The following SLC37A3 variants were observed in gnomAD, a reference collection of about 807,000 sequenced individuals.
The protein encoded by SLC37A3 is sugar phosphate exchanger 3.
SLC37A3 carries 51 observed loss-of-function variants against 67.1 expected under a neutral mutation model. The ratio of observed to expected loss-of-function variants is 0.76; its 90% CI spans 0.61 to 0.96. The LOEUF is 0.96. SLC37A3 is among the 40% of genes least tolerant of loss of function. The probability of loss-of-function intolerance (pLI) is 0.00; values close to 1 mark genes in which losing one functional copy is unlikely to be tolerated. For synonymous variants in SLC37A3, 214 were observed against 231.4 expected (o/e 0.92, Z 0.68); for missense variants, 508 against 603.0 (o/e 0.84, Z 1.65).
chr7:140,340,450 A>T (rs529687402), intron 13 of SLC37A3, among the ~76,000 whole-genome samples: 2 of 152,254 alleles, frequency 1.3e-5, no homozygotes, highest in Non-Finnish European at 2.9e-5. Context: ...CCGCAGACAC[A>T]AAAGGGTAGC....
chr7:140,366,053 G>A lies in SLC37A3; in HGVS notation c.292-1562C>T, dbSNP rs6976805. On this transcript the variant is annotated intron_variant, in intron 4 of 14. Coordinates refer to ENST00000326232, the MANE Select transcript of SLC37A3 (RefSeq NM_207113.3). ...CCTAGGTTCGAGCAATTCTCCTGCC[G>A]TAGCCTCCCGAGTAGCTGGGACTAC... Among the ~76,000 whole-genome samples the A allele has an allele frequency of 2.7e-5, 4 of 148,722 alleles. No homozygotes were observed. In the East Asian group the frequency reaches 8.1e-4, roughly 30 times the overall value.
intron 9 of SLC37A3, among the ~76,000 whole-genome samples, chr7:140,350,363 G>A (rs1452829866): frequency 6.6e-6 from 1 of 152,186 alleles, no homozygotes; most frequent in East Asian, 1.9e-4. Flanking sequence ...AACTGCAGCA[G>A]AAGGGATTTA....
At chr7:140,346,948 A>C (rs1796586513) in intron 10 of SLC37A3, among the ~76,000 whole-genome samples, 1 of 151,700 alleles carries the variant, frequency 6.6e-6, no homozygotes, top group Non-Finnish European at 1.5e-5. Flanking sequence ...AAAACCAAAA[A>C]AACTGTGCCT....
chr7:140,345,792 CACTG>C, intron 11 of SLC37A3, 73 bp downstream of exon 11: 1 of 1,158,212 alleles, frequency 8.6e-7, no homozygotes, highest in Non-Finnish European at 1.3e-6. Flanking sequence ...CAGCACTGGT[CACTG>C]ACTCCAAACA....
chr7:140,354,555 G>A (rs964483311), intron 7 of SLC37A3, among the ~76,000 whole-genome samples: 1 of 151,760 alleles, frequency 6.6e-6, no homozygotes, highest in African/African-American at 2.4e-5. Context: ...GCATATACAG[G>A]GAGTTAAATA....
At chr7:140,383,943 G>T (rs890686229) in intron 1 of SLC37A3, among the ~76,000 whole-genome samples, 9 of 152,132 alleles carry the variant, frequency 5.9e-5, no homozygotes, top group Non-Finnish European at 1.3e-4. Flanking sequence ...CTCCAAAAGT[G>T]CTGGGATTAC....
At chr7:140,397,856 CTG>C (rs952448470) in intron 1 of SLC37A3, among the ~76,000 whole-genome samples, 21 of 152,224 alleles carry the variant, frequency 1.4e-4, no homozygotes, top group African/African-American at 4.3e-4. Flanking sequence ...CCTGTCAAAA[CTG>C]AGAATAAACA....
chr7:140,345,052 G>A (rs2117042381), intron 12 of SLC37A3, among the ~76,000 whole-genome samples, 164 bp downstream of exon 12: 1 of 152,292 alleles, frequency 6.6e-6, no homozygotes, highest in Non-Finnish European at 1.5e-5. Flanking sequence ...GTAAGAAACA[G>A]CAGAGAAAAA....
chr7:140,336,873 T>G (rs1046947029), intron 14 of SLC37A3, among the ~76,000 whole-genome samples: 2 of 149,172 alleles, frequency 1.3e-5, no homozygotes, highest in African/African-American at 4.9e-5. Context: ...CCGAGTCGGG[T>G]GGATCACCTG....
In SLC37A3 at chr7:140,382,599, G is replaced by GGTC; in HGVS notation, c.-70-4_-70-3insGAC. The GGTC allele has an allele frequency of 7.4e-7, 1 of 1,345,824 alleles. No homozygotes were observed. The highest frequency in any genetic ancestry group is 1.1e-6 in the Non-Finnish European group (1 of 945,466). The allele number at this position is 1,345,824 out of a possible 1,614,324, so 83.4% of individuals were successfully genotyped here. On this transcript the variant is annotated splice_region_variant and splice_polypyrimidine_tract_variant and intron_variant, in intron 1 of 14. Coordinates refer to ENST00000326232, the MANE Select transcript of SLC37A3 (RefSeq NM_207113.3). ...GTGATTTACATCATTTCTTCCTTCT[G>GGTC]GAAAGACAAAACACATTATGGACAT... is the stretch of plus-strand genomic sequence containing the variant.
chr7:140,351,598 T>C, intron 8 of SLC37A3, 147 bp from the exon 9 acceptor site: 1 of 686,706 alleles, frequency 1.5e-6, no homozygotes. Context: ...TCAACTAAGG[T>C]CAATTAAAGT....
chr7:140,345,298 T>G, intron 11 of SLC37A3, 35 bp from the exon 12 acceptor site: 1 of 1,594,942 alleles, frequency 6.3e-7, no homozygotes, highest in Non-Finnish European at 8.6e-7. Context: ...CATGGTGGCT[T>G]GAAAAGCAGA....
Position 140,335,250 on chromosome 7 carries a change from CCTTCACT to C in SLC37A3, c.*155_*161del, listed in dbSNP as rs759829828. On this transcript the variant is annotated 3_prime_UTR_variant, in exon 15 of 15. Coordinates refer to ENST00000326232, the MANE Select transcript of SLC37A3 (RefSeq NM_207113.3). ...CCTGTAGTGTAGAAAACTAGTGCAGCCTTCACTGCTGGTCAGCATCTCAGGTGGCTGG... is the reference window on the plus strand; with the variant it reads ...CCTGTAGTGTAGAAAACTAGTGCAGCGCTGGTCAGCATCTCAGGTGGCTGG... 1.9e-6 allele frequency: 3 copies of C among 1,613,884 alleles called. No individual in the cohort carries two copies. The highest frequency in any genetic ancestry group is 2.5e-6 in the Non-Finnish European group (3 of 1,179,838).
At chr7:140,378,108 A>T (rs979785491) in intron 3 of SLC37A3, among the ~76,000 whole-genome samples, 1 of 152,222 alleles carries the variant, frequency 6.6e-6, no homozygotes, top group African/African-American at 2.4e-5. Flanking sequence ...AGCCTTAGGC[A>T]GTACAACCAG....
At chr7:140,394,316 A>G (rs539879155) in intron 1 of SLC37A3, among the ~76,000 whole-genome samples, 12 of 152,100 alleles carry the variant, frequency 7.9e-5, no homozygotes, top group African/African-American at 2.6e-4. Flanking sequence ...GAGAAAACAG[A>G]TATTAGAAAG....
intron 5 of SLC37A3, among the ~76,000 whole-genome samples, chr7:140,362,943 G>C (rs1797417918): frequency 1.2e-5 from 1 of 81,900 alleles, no homozygotes; most frequent in Non-Finnish European, 2.7e-5. Flanking sequence ...GGAGGGAGGT[G>C]GCGGGGTCAG....
At chr7:140,373,253 G>T (rs1021125239) in intron 3 of SLC37A3, among the ~76,000 whole-genome samples, 1 of 152,074 alleles carries the variant, frequency 6.6e-6, no homozygotes, top group Non-Finnish European at 1.5e-5. Context: ...ACTGCATCTG[G>T]CCAATAATTT....
rs76583295 is a variant in SLC37A3 at position 140,364,733 on chromosome 7, A to T, written c.292-242T>A. On this transcript the variant is annotated intron_variant, in intron 4 of 14. Coordinates refer to ENST00000326232, the MANE Select transcript of SLC37A3 (RefSeq NM_207113.3). The stretch of plus-strand genomic sequence containing the variant: ...ATGAAAATAGAAGGAAAAAAATATT[A>T]AAAAAAAAAAGAAATGGCAGCGGGC... 5.2e-5 allele frequency among the ~76,000 whole-genome samples: 6 copies of T among 116,026 alleles called. No individual in the cohort carries two copies. The East Asian group carries it at 9.0e-4, about 17-fold the overall frequency. The allele number at this position is 116,026 out of a possible 152,430, so 76.1% of individuals were successfully genotyped here.
At chr7:140,379,792 G>A (rs1798178205) in intron 3 of SLC37A3, 1 of 151,978 alleles carries the variant, frequency 6.6e-6, no homozygotes, top group South Asian at 2.1e-4. Flanking sequence ...TACTCAGGGG[G>A]CTGAGGTGGG....
Sources: allele counts gnomAD v4.1 joint callset (sites outside exome capture counted in the v4.1 genomes callset), GRCh38; gene constraint gnomAD v4.1.1; transcripts MANE v1.5; gene names NCBI Gene and HGNC (gene_info 2026-07-23, HGNC 2026-07-21).